The following AGBL4 variants were observed in gnomAD, a reference collection of about 807,000 sequenced individuals.
The protein encoded by AGBL4 is AGBL carboxypeptidase 4, also known as cytosolic carboxypeptidase 6.
A neutral mutation model predicts 66.4 loss-of-function variants in AGBL4; 58 were observed. That is an observed-to-expected ratio of 0.87 (90% CI 0.71 to 1.09). AGBL4 has a LOEUF of 1.09. Among genes scored for constraint, AGBL4 ranks in the 50% least tolerant of loss-of-function variants. The probability of loss-of-function intolerance (pLI) is 0.00; values close to 1 mark genes in which losing one functional copy is unlikely to be tolerated. For missense variants in AGBL4, 579 were observed against 631.0 expected, an observed-to-expected ratio of 0.92 and a Z score of 0.88; for synonymous variants, 234 against 222.9, an observed-to-expected ratio of 1.05 and a Z score of -0.44.
chr1:49,676,021 A>G (rs1472804681), intron 3 of AGBL4, among the ~76,000 whole-genome samples: 1 of 152,116 alleles, frequency 6.6e-6, no homozygotes. Flanking sequence ...GAGCAGTTCT[A>G]TGTCCATCAT....
intron 5 of AGBL4, among the ~76,000 whole-genome samples, chr1:48,891,627 C>T (rs188186755): frequency 1.3e-5 from 2 of 152,292 alleles, no homozygotes; most frequent in South Asian, 2.1e-4. Context: ...GATTTGCTTT[C>T]AAATAAGATA....
intron 3 of AGBL4, among the ~76,000 whole-genome samples, chr1:49,450,655 A>G (rs1646259277): frequency 6.6e-6 from 1 of 152,250 alleles, no homozygotes; most frequent in Admixed American, 6.5e-5. Context: ...GAAGTTTTCA[A>G]AGGAATAGTC....
intron 1 of AGBL4, among the ~76,000 whole-genome samples, chr1:49,989,628 C>T (rs1452955114): frequency 1.3e-5 from 2 of 152,124 alleles, no homozygotes; most frequent in African/African-American, 2.4e-5. Flanking sequence ...TCTATTTAGA[C>T]TATTTAAAGG....
At chr1:48,653,558 T>G in intron 7 of AGBL4, 107 bp from the exon 8 acceptor site, 2 of 784,726 alleles carry the variant, frequency 2.5e-6, no homozygotes, top group Non-Finnish European at 2.1e-6. Flanking sequence ...GATTTTGGCC[T>G]GTGTTGTTAT....
intron 2 of AGBL4, among the ~76,000 whole-genome samples, chr1:49,769,838 A>T (rs1424445354): frequency 6.6e-6 from 1 of 152,192 alleles, no homozygotes; most frequent in South Asian, 2.1e-4. Flanking sequence ...TAAACGTAAG[A>T]CCTCAAACTA....
chr1:49,264,813 G>A (rs542626502), intron 3 of AGBL4, among the ~76,000 whole-genome samples: 1 of 152,286 alleles, frequency 6.6e-6, no homozygotes, highest in East Asian at 1.9e-4. Flanking sequence ...CCAAAGTGCT[G>A]GGATTATAGG....
chr1:49,157,496 G>A (rs140389475), intron 4 of AGBL4, among the ~76,000 whole-genome samples: 1,651 of 152,220 alleles, frequency 0.011, 25 homozygotes, highest in African/African-American at 0.038. Flanking sequence ...GGGCATTTGG[G>A]TTGGTTCCAA....
intron 3 of AGBL4, among the ~76,000 whole-genome samples, chr1:49,266,582 C>A (rs12119071): frequency 6.7e-6 from 1 of 150,060 alleles, no homozygotes; most frequent in Non-Finnish European, 1.5e-5. Context: ...GGGCCCTTTG[C>A]CCTTAAGTGA....
chr1:48,850,698 G>C (rs1198285492), intron 6 of AGBL4, among the ~76,000 whole-genome samples: 1 of 152,012 alleles, frequency 6.6e-6, no homozygotes, highest in East Asian at 1.9e-4. Context: ...CTAATTTTCT[G>C]TAGAGACGGG....
chr1:49,694,929 T>G (rs1051846327), intron 3 of AGBL4, among the ~76,000 whole-genome samples: 1 of 152,096 alleles, frequency 6.6e-6, no homozygotes, highest in African/African-American at 2.4e-5. Flanking sequence ...TTATAGACAC[T>G]TAAGTGAAAG....
At chr1:48,669,104 C>T (rs1053429082) in intron 6 of AGBL4, among the ~76,000 whole-genome samples, 2 of 152,124 alleles carry the variant, frequency 1.3e-5, no homozygotes, top group African/African-American at 4.8e-5. Context: ...AGCTGACTTC[C>T]CTGGGTAGAT....
intron 2 of AGBL4, among the ~76,000 whole-genome samples, chr1:49,823,778 A>ATGTG (rs10528873): frequency 0.19 from 28,154 of 147,364 alleles, 2,846 homozygotes; most frequent in East Asian, 0.47. Context: ...AGGCTGCATA[A>ATGTG]TGTGTGTGTG....
At chr1:49,862,393 A>G (rs1397803618) in intron 1 of AGBL4, among the ~76,000 whole-genome samples, 2 of 152,194 alleles carry the variant, frequency 1.3e-5, no homozygotes. Flanking sequence ...CAGGATCTAG[A>G]AAATAGCCTC....
At chr1:49,183,189 G>A (rs1646958472) in intron 4 of AGBL4, among the ~76,000 whole-genome samples, 3 of 152,186 alleles carry the variant, frequency 2.0e-5, no homozygotes, top group Non-Finnish European at 4.4e-5. Flanking sequence ...AAGAAATGTA[G>A]ACATTCCCTC....
intron 3 of AGBL4, among the ~76,000 whole-genome samples, chr1:49,352,392 G>A (rs983285098): frequency 3.6e-4 from 25 of 69,708 alleles, no homozygotes; most frequent in African/African-American, 9.9e-4. Flanking sequence ...TTTTTTTTGT[G>A]GAAAGGAACT....
intron 9 of AGBL4, among the ~76,000 whole-genome samples, chr1:48,615,342 G>A (rs1645300814): frequency 1.3e-5 from 2 of 152,148 alleles, no homozygotes; most frequent in Admixed American, 1.3e-4. Context: ...GTGCATCTTG[G>A]GAAGGAAGCT....
At chr1:49,226,328 A>G (rs1401259145) in intron 4 of AGBL4, among the ~76,000 whole-genome samples, 1 of 152,230 alleles carries the variant, frequency 6.6e-6, no homozygotes, top group Non-Finnish European at 1.5e-5. Flanking sequence ...AAAGATATTA[A>G]TATTTAGGGA....
intron 3 of AGBL4, among the ~76,000 whole-genome samples, chr1:49,492,603 C>T (rs1647216839): frequency 2.0e-5 from 3 of 151,810 alleles, no homozygotes; most frequent in Admixed American, 2.0e-4. Context: ...ATTAATAGGA[C>T]TATCAGATTT....
At chr1:48,987,426 T>G (rs1660264502) in intron 5 of AGBL4, among the ~76,000 whole-genome samples, 1 of 151,976 alleles carries the variant, frequency 6.6e-6, no homozygotes, top group Non-Finnish European at 1.5e-5. Flanking sequence ...ATAAAGAGAG[T>G]AATTTCATAA....
Sources: allele counts gnomAD v4.1 joint callset (sites outside exome capture counted in the v4.1 genomes callset), GRCh38; gene constraint gnomAD v4.1.1; transcripts MANE v1.5; gene names NCBI Gene and HGNC (gene_info 2026-07-23, HGNC 2026-07-21).